Variants in IWS1 observed in about 807,000 individuals in gnomAD.
IWS1 encodes interacts with SUPT6H, CTD assembly factor 1, also known as protein IWS1 homolog.
Under a neutral mutation model 86.7 loss-of-function variants are expected in IWS1, and 27 were observed. The ratio of observed to expected loss-of-function variants is 0.31; its 90% CI spans 0.23 to 0.43. The LOEUF (loss-of-function observed/expected upper bound fraction) is 0.43, where lower values mean the gene tolerates loss of function less well. IWS1 is among the 20% of genes least tolerant of loss of function. IWS1 has a pLI of 1.00. For missense variants in IWS1, 827 were observed against 1,000.8 expected, an observed-to-expected ratio of 0.83 and a Z score of 2.34; for synonymous variants, 313 against 335.1, an observed-to-expected ratio of 0.93 and a Z score of 0.72.
intron 2 of IWS1, among the ~76,000 whole-genome samples, chr2:127,507,925 C>T (rs1558760824): frequency 1.3e-5 from 2 of 152,166 alleles, no homozygotes; most frequent in African/African-American, 4.8e-5. Context: ...AAATTACCTT[C>T]CAGCTATGTA....
intron 12 of IWS1, among the ~76,000 whole-genome samples, chr2:127,487,148 G>C (rs943808722): frequency 6.6e-6 from 1 of 151,980 alleles, no homozygotes. Context: ...GTTTATTTTT[G>C]TAAAAATCTT....
chr2:127,486,899 T>C (rs1308905162), intron 12 of IWS1, among the ~76,000 whole-genome samples: 1 of 152,218 alleles, frequency 6.6e-6, no homozygotes, highest in Non-Finnish European at 1.5e-5. Flanking sequence ...TTGCTCTGCA[T>C]TTGCATGAAT....
At chr2:127,486,721 A>G (rs1689950275) in intron 12 of IWS1, 57 bp from the exon 13 acceptor site, 6 of 1,321,864 alleles carry the variant, frequency 4.5e-6, no homozygotes, top group Non-Finnish European at 6.5e-6. Flanking sequence ...AGTGGGGCAC[A>G]TAGGCCATTT....
upstream of IWS1, chr2:127,526,662 C>T (rs1232079719): frequency 6.1e-6 from 8 of 1,320,474 alleles, no homozygotes; most frequent in Non-Finnish European, 8.0e-6. Context: ...CTGGTCTGAC[C>T]CCCGTGGTAA....
chr2:127,519,036 G>C (rs548028904), intron 2 of IWS1, among the ~76,000 whole-genome samples: 2 of 151,966 alleles, frequency 1.3e-5, no homozygotes, highest in African/African-American at 4.8e-5. Flanking sequence ...TAAAGATTTT[G>C]ATATTTTGTT....
chr2:127,503,669 AAAATAAAT>A (rs3033265), intron 3 of IWS1, 93 bp from the exon 4 acceptor site: 33,482 of 283,792 alleles, frequency 0.12, 3,960 homozygotes, highest in African/African-American at 0.36. Context: ...GTATACAGCA[AAAATAAAT>A]AAATAAATAA....
intron 2 of IWS1, among the ~76,000 whole-genome samples, chr2:127,522,086 G>A (rs1352340208): frequency 1.3e-5 from 2 of 152,152 alleles, no homozygotes; most frequent in Non-Finnish European, 2.9e-5. Context: ...AAACCTGAGT[G>A]ACATCAAAAT....
intron 1 of IWS1, 71 bp downstream of exon 1, chr2:127,526,104 G>C: frequency 6.8e-7 from 1 of 1,466,228 alleles, no homozygotes; most frequent in Non-Finnish European, 9.3e-7. Context: ...CCCCACCCGC[G>C]GGGTGCCAGG....
intron 13 of IWS1, among the ~76,000 whole-genome samples, chr2:127,485,634 T>G (rs1227682534): frequency 6.6e-6 from 1 of 152,282 alleles, no homozygotes; most frequent in Non-Finnish European, 1.5e-5. Flanking sequence ...AAGACCCAAA[T>G]GCATATTAGG....
At chr2:127,517,162 T>C (rs1004807287) in intron 2 of IWS1, among the ~76,000 whole-genome samples, 2 of 152,228 alleles carry the variant, frequency 1.3e-5, no homozygotes, top group East Asian at 1.9e-4. Context: ...ACTACCAAGA[T>C]GGCAATATTC....
chr2:127,526,493 C>G (rs966403449), upstream of IWS1: 111 of 1,511,930 alleles, frequency 7.3e-5, no homozygotes, highest in Non-Finnish European at 9.4e-5. Context: ...GGCGTCTGCC[C>G]ACGACCCTCA....
At chr2:127,508,658 G>A (rs1691274256) in intron 2 of IWS1, among the ~76,000 whole-genome samples, 1 of 152,164 alleles carries the variant, frequency 6.6e-6, no homozygotes, top group African/African-American at 2.4e-5. Flanking sequence ...ACTTGGGAAG[G>A]TTAAGTACCA....
chr2:127,526,059 G>T lies in IWS1; in HGVS notation c.34+116C>A, dbSNP rs1033978093. 278 of 996,482 alleles carry T rather than the reference G, an allele frequency of 2.8e-4. 1 individual carries two copies. The highest frequency in any genetic ancestry group is 8.3e-4 in the South Asian group (53 of 63,594). 61.7% of individuals were successfully genotyped at this position (996,482 alleles called of 1,614,324 possible). Reference sequence around the variant, plus strand: ...AGGGCTCTTGCCCTCCTCGGGCCGGGTCGCGGGAGGGAAGGTTTCGGGGGG... The same window carrying T: ...AGGGCTCTTGCCCTCCTCGGGCCGGTTCGCGGGAGGGAAGGTTTCGGGGGG... On this transcript the variant is annotated intron_variant, in intron 1 of 13. Coordinates refer to ENST00000295321, the MANE Select transcript of IWS1 (RefSeq NM_017969.3).
chr2:127,522,151 C>T (rs1692132428), intron 2 of IWS1, among the ~76,000 whole-genome samples: 2 of 152,154 alleles, frequency 1.3e-5, no homozygotes, highest in Admixed American at 6.5e-5. Context: ...CCTCCCCTAC[C>T]CCTTAATGAC....
At chr2:127,517,155 A>AC (rs549206622) in intron 2 of IWS1, among the ~76,000 whole-genome samples, 318 of 152,340 alleles carry the variant, frequency 2.1e-3, no homozygotes, top group African/African-American at 7.0e-3. Flanking sequence ...ACTTTACACT[A>AC]CCAAGATGGC....
chr2:127,490,580 AC>A (rs1306622154), intron 10 of IWS1, among the ~76,000 whole-genome samples: 1 of 152,192 alleles, frequency 6.6e-6, no homozygotes, highest in Non-Finnish European at 1.5e-5. Flanking sequence ...ACAAGAAAGG[AC>A]CTTTATAGAC....
intron 2 of IWS1, among the ~76,000 whole-genome samples, chr2:127,512,766 C>G (rs543272195): frequency 2.0e-5 from 3 of 152,180 alleles, no homozygotes; most frequent in Non-Finnish European, 4.4e-5. Flanking sequence ...TAGTAGTCAC[C>G]TATTTATAGG....
At chr2:127,493,034 G>T in intron 9 of IWS1, 1 of 291,176 alleles carries the variant, frequency 3.4e-6, no homozygotes, top group Non-Finnish European at 6.3e-6. Context: ...GCCCACTACT[G>T]TACTACTCTT....
At chr2:127,494,101 A>G (rs1344387689) in intron 8 of IWS1, among the ~76,000 whole-genome samples, 1 of 152,090 alleles carries the variant, frequency 6.6e-6, no homozygotes, top group Admixed American at 6.5e-5. Flanking sequence ...GCTCAGAAAT[A>G]TAAGCAAATC....
Sources: gnomAD v4.1 joint callset for allele counts (sites outside exome capture counted in the v4.1 genomes callset) on GRCh38, gnomAD v4.1.1 for gene constraint, MANE v1.5 for transcripts, NCBI Gene and HGNC (gene_info 2026-07-23, HGNC 2026-07-21) for gene names.